The following LRRTM4 variants were observed in gnomAD, a reference collection of about 807,000 sequenced individuals.
LRRTM4 encodes leucine rich repeat transmembrane neuronal 4.
Under a neutral mutation model 47.6 loss-of-function variants are expected in LRRTM4, and 25 were observed. The observed-to-expected ratio is 0.53, with a 90% CI of 0.38 to 0.73. The LOEUF is 0.73. Among genes scored for constraint, LRRTM4 ranks in the 30% least tolerant of loss-of-function variants. LRRTM4 has a pLI of 0.00. For synonymous variants in LRRTM4, 311 were observed against 269.5 expected (o/e 1.15, Z -1.51); for missense variants, 638 against 713.4 (o/e 0.89, Z 1.20).
At chr2:76,977,181 A>C (rs1212588163) in intron 3 of LRRTM4, among the ~76,000 whole-genome samples, 4 of 151,464 alleles carry the variant, frequency 2.6e-5, no homozygotes, top group South Asian at 4.2e-4. Flanking sequence ...TAGATTCTAC[A>C]TCCCTTGCCA....
intron 3 of LRRTM4, among the ~76,000 whole-genome samples, chr2:77,417,824 C>A (rs370317434): frequency 3.0e-4 from 45 of 151,990 alleles, no homozygotes; most frequent in Non-Finnish European, 5.3e-4. Context: ...TGACGAGTTA[C>A]TGGGTGCGGC....
chr2:77,258,529 T>A (rs1402679120), intron 3 of LRRTM4, among the ~76,000 whole-genome samples: 1 of 152,178 alleles, frequency 6.6e-6, no homozygotes, highest in East Asian at 1.9e-4. Context: ...ATATAATACC[T>A]GAGAACTCCC....
At chr2:77,271,945 G>A (rs966254428) in intron 3 of LRRTM4, among the ~76,000 whole-genome samples, 7 of 152,174 alleles carry the variant, frequency 4.6e-5, no homozygotes, top group Admixed American at 6.5e-5. Flanking sequence ...TGACTATGTC[G>A]TGTTGTTTAA....
At chr2:77,189,017 C>T (rs1673589876) in intron 3 of LRRTM4, among the ~76,000 whole-genome samples, 2 of 152,056 alleles carry the variant, frequency 1.3e-5, no homozygotes, top group Non-Finnish European at 2.9e-5. Context: ...CAATTTTAAA[C>T]AGCTAATAAG....
chr2:77,351,083 T>C (rs566066007), intron 3 of LRRTM4, among the ~76,000 whole-genome samples: 14 of 152,274 alleles, frequency 9.2e-5, no homozygotes, highest in Middle Eastern at 3.4e-3. Flanking sequence ...CCCCGTATGC[T>C]CATGTAGGCT....
intron 3 of LRRTM4, among the ~76,000 whole-genome samples, chr2:76,878,507 GA>G (rs777924003): frequency 2.2e-3 from 302 of 140,360 alleles, no homozygotes; most frequent in Non-Finnish European, 2.5e-3. Flanking sequence ...GTTGCAAATG[GA>G]AAAAAAAAAA....
chr2:77,316,552 C>CT (rs11302099), intron 3 of LRRTM4, among the ~76,000 whole-genome samples: 154 of 146,160 alleles, frequency 1.1e-3, no homozygotes, highest in East Asian at 3.8e-3. Flanking sequence ...AAATTGCTAT[C>CT]TTTTTTTTTT....
At chr2:77,003,424 G>C (rs1263747125) in intron 3 of LRRTM4, among the ~76,000 whole-genome samples, 1 of 152,086 alleles carries the variant, frequency 6.6e-6, no homozygotes, top group Admixed American at 6.6e-5. Flanking sequence ...GACCTGGTGG[G>C]AGGTAACTGA....
chr2:76,752,917 T>A (rs913292556), intron 3 of LRRTM4, among the ~76,000 whole-genome samples: 1 of 152,198 alleles, frequency 6.6e-6, no homozygotes, highest in Non-Finnish European at 1.5e-5. Context: ...AGAACAACAC[T>A]ATTTAAAGAT....
intron 3 of LRRTM4, among the ~76,000 whole-genome samples, chr2:76,760,490 A>G (rs890896448): frequency 2.0e-5 from 3 of 152,168 alleles, no homozygotes; most frequent in Non-Finnish European, 4.4e-5. Context: ...AGCAAGAGAT[A>G]GACTGCTGGT....
At position 77,084,257 on chromosome 2, in the gene LRRTM4, C is replaced by T. The variant is rs773812792; in HGVS notation, c.1552-335341G>A. ...CTCATCTTCAAGTAGTCTTAGATTC[C>T]GACACTTGTAATATGGGATGTGATG... On this transcript the variant is annotated intron_variant, in intron 3 of 3. Transcript: ENST00000409884. 4.6e-5 allele frequency among the ~76,000 whole-genome samples: 7 copies of T among 152,198 alleles called. No homozygotes were observed. The East Asian group carries it at 7.7e-4, about 17-fold the overall frequency.
intron 3 of LRRTM4, among the ~76,000 whole-genome samples, chr2:77,214,370 TAG>T (rs1674379400): frequency 6.6e-6 from 1 of 152,162 alleles, no homozygotes; most frequent in Non-Finnish European, 1.5e-5. Flanking sequence ...GCAGTATTGC[TAG>T]AGTTATTAGA....
chr2:77,330,536 T>A (rs988487166), intron 3 of LRRTM4, among the ~76,000 whole-genome samples: 20 of 152,138 alleles, frequency 1.3e-4, no homozygotes, highest in African/African-American at 4.3e-4. Context: ...AAAACTATAT[T>A]TACGAAGAAT....
intron 3 of LRRTM4, among the ~76,000 whole-genome samples, chr2:76,931,426 T>G (rs1015743116): frequency 6.6e-5 from 10 of 152,184 alleles, no homozygotes; most frequent in Admixed American, 5.2e-4. Flanking sequence ...GCTTTGACCT[T>G]GGGTTGTACA....
At chr2:77,388,397 T>G (rs1673369893) in intron 3 of LRRTM4, among the ~76,000 whole-genome samples, 2 of 151,974 alleles carry the variant, frequency 1.3e-5, no homozygotes, top group African/African-American at 4.8e-5. Flanking sequence ...ACAGAAGGAG[T>G]CTGCACTCAT....
intron 3 of LRRTM4, among the ~76,000 whole-genome samples, chr2:77,042,274 TAAG>T (rs1679059366): frequency 6.6e-6 from 1 of 151,464 alleles, no homozygotes; most frequent in Non-Finnish European, 1.5e-5. Flanking sequence ...CTCAAATAGT[TAAG>T]AAAAAATAGA....
intron 3 of LRRTM4, among the ~76,000 whole-genome samples, chr2:76,948,592 T>TAAC (rs1053613079): frequency 6.6e-6 from 1 of 151,862 alleles, no homozygotes; most frequent in Non-Finnish European, 1.5e-5. Flanking sequence ...GGTAACTTAA[T>TAAC]AACAGCTCTT....
At chr2:77,075,406 G>A (rs957307646) in intron 3 of LRRTM4, among the ~76,000 whole-genome samples, 11 of 152,060 alleles carry the variant, frequency 7.2e-5, no homozygotes, top group Non-Finnish European at 1.5e-4. Flanking sequence ...ATAAAACCTT[G>A]GCTTTATATG....
intron 3 of LRRTM4, among the ~76,000 whole-genome samples, chr2:76,893,656 G>C (rs1236791476): frequency 6.6e-6 from 1 of 151,752 alleles, no homozygotes. Flanking sequence ...CTTCCTTAAA[G>C]AGAACTCATC....
Sources: allele counts gnomAD v4.1 joint callset (sites outside exome capture counted in the v4.1 genomes callset), GRCh38; gene constraint gnomAD v4.1.1; transcripts MANE v1.5; gene names NCBI Gene and HGNC (gene_info 2026-07-23, HGNC 2026-07-21).